Variants in KAZN observed in about 807,000 individuals in gnomAD.
The protein encoded by KAZN is kazrin, periplakin interacting protein.
A neutral mutation model predicts 87.4 loss-of-function variants in KAZN; 40 were observed. That is an observed-to-expected ratio of 0.46 (90% CI 0.36 to 0.60). The LOEUF (loss-of-function observed/expected upper bound fraction) is 0.60. Among genes scored for constraint, KAZN ranks in the 20% least tolerant of loss-of-function variants. The probability of loss-of-function intolerance (pLI) is 0.00; values close to 1 mark genes in which losing one functional copy is unlikely to be tolerated. For missense variants in KAZN, 898 were observed against 1,073.9 expected (o/e 0.84, Z 2.29); for synonymous variants, 466 against 458.3 (o/e 1.02, Z -0.22).
intron 1 of KAZN, among the ~76,000 whole-genome samples, chr1:14,918,709 T>A (rs1284282531): frequency 5.9e-3 from 21 of 3,530 alleles, no homozygotes; most frequent in East Asian, 0.043. Context: ...AAAAAAAAAA[T>A]ATATATATAT....
chr1:14,943,252 T>C (rs1661356611), intron 1 of KAZN, among the ~76,000 whole-genome samples: 1 of 151,948 alleles, frequency 6.6e-6, no homozygotes, highest in African/African-American at 2.4e-5. Flanking sequence ...AAGTTCCGTC[T>C]CTACCTTTTT....
chr1:14,373,681 CT>C (rs1483999920), intron 2 of KAZN, among the ~76,000 whole-genome samples: 1 of 152,170 alleles, frequency 6.6e-6, no homozygotes, highest in Non-Finnish European at 1.5e-5. Flanking sequence ...AGTTTGTCTT[CT>C]TTTTCTAGGG....
At chr1:14,207,940 AAGCTTTTGCAACAAGACGTTC>A (rs1364868113) in intron 2 of KAZN, among the ~76,000 whole-genome samples, 1 of 152,194 alleles carries the variant, frequency 6.6e-6, no homozygotes, top group East Asian at 1.9e-4. Context: ...ACTTGCTTTG[AAGCTTTTGCAACAAGACGTTC>A]TATTCTCCTG....
At chr1:14,230,517 GC>G (rs2100537855) in intron 2 of KAZN, among the ~76,000 whole-genome samples, 1 of 152,268 alleles carries the variant, frequency 6.6e-6, no homozygotes, top group East Asian at 1.9e-4. Context: ...GCAGAGGGAG[GC>G]TTTGAACTCG....
At chr1:14,011,867 G>A (rs72875204) in intron 1 of KAZN, among the ~76,000 whole-genome samples, 7,313 of 152,220 alleles carry the variant, frequency 0.048, 529 homozygotes, top group African/African-American at 0.16. Flanking sequence ...ATACAGGCTG[G>A]CAGATGTTCT....
intron 2 of KAZN, among the ~76,000 whole-genome samples, chr1:14,424,582 T>A (rs992282719): frequency 6.6e-6 from 1 of 152,134 alleles, no homozygotes; most frequent in African/African-American, 2.4e-5. Context: ...AATGGCACCC[T>A]CTAGAGTTGC....
chr1:14,493,816 T>C (rs577491524), intron 2 of KAZN, among the ~76,000 whole-genome samples: 2 of 152,350 alleles, frequency 1.3e-5, no homozygotes, highest in Non-Finnish European at 2.9e-5. Flanking sequence ...CAGTCATTAA[T>C]CTGCAATGAT....
chr1:14,406,211 C>G (rs1008162793), intron 2 of KAZN, among the ~76,000 whole-genome samples: 6 of 151,956 alleles, frequency 3.9e-5, no homozygotes, highest in African/African-American at 1.5e-4. Context: ...TCAGGTACCC[C>G]CTACATATAT....
intron 1 of KAZN, among the ~76,000 whole-genome samples, chr1:14,697,299 C>T (rs1641669698): frequency 6.6e-6 from 1 of 151,776 alleles, no homozygotes; most frequent in African/African-American, 2.4e-5. Context: ...CACTGCACTC[C>T]AGCCTGGGCA....
chr1:14,015,369 C>A (rs1640511788), intron 1 of KAZN, among the ~76,000 whole-genome samples: 1 of 151,514 alleles, frequency 6.6e-6, no homozygotes, highest in South Asian at 2.1e-4. Flanking sequence ...GACCCACATT[C>A]CCTCAGTGGA....
intron 2 of KAZN, among the ~76,000 whole-genome samples, chr1:14,998,643 T>C (rs1668145833): frequency 6.6e-6 from 1 of 152,124 alleles, no homozygotes; most frequent in South Asian, 2.1e-4. Flanking sequence ...CTGCCTCCCG[T>C]GTTCAAGCCA....
At chr1:14,307,939 T>C (rs966983847) in intron 2 of KAZN, among the ~76,000 whole-genome samples, 6 of 152,200 alleles carry the variant, frequency 3.9e-5, no homozygotes, top group Admixed American at 2.6e-4. Flanking sequence ...ACAGAACATC[T>C]CATGTCTCCT....
At chr1:14,607,305 A>G (rs1677448913) in intron 1 of KAZN, among the ~76,000 whole-genome samples, 2 of 152,194 alleles carry the variant, frequency 1.3e-5, no homozygotes, top group South Asian at 4.1e-4. Context: ...TTTACAGATG[A>G]GAAAGTTGAG....
chr1:14,019,185 T>C (rs1211266816), intron 1 of KAZN, among the ~76,000 whole-genome samples: 1 of 152,224 alleles, frequency 6.6e-6, no homozygotes, highest in Non-Finnish European at 1.5e-5. Flanking sequence ...TGATTTGAAA[T>C]CTATATCAGA....
At chr1:14,995,677 C>T (rs962069894) in intron 2 of KAZN, among the ~76,000 whole-genome samples, 2 of 151,998 alleles carry the variant, frequency 1.3e-5, no homozygotes, top group African/African-American at 4.8e-5. Context: ...CCAGCATCTG[C>T]AGGGGCTCAG....
chr1:14,623,516 G>A (rs1359912739), intron 1 of KAZN, among the ~76,000 whole-genome samples: 2 of 152,154 alleles, frequency 1.3e-5, no homozygotes, highest in Non-Finnish European at 2.9e-5. Context: ...TGATTATCGG[G>A]TATTGAACTT....
chr1:14,077,297 T>C (rs17351318), intron 1 of KAZN, among the ~76,000 whole-genome samples: 23,124 of 152,184 alleles, frequency 0.15, 2,387 homozygotes, highest in Middle Eastern at 0.29. Context: ...CTCCTAAAAA[T>C]GTCTTCTGCA....
intron 2 of KAZN, among the ~76,000 whole-genome samples, chr1:14,191,336 C>A (rs1646415890): frequency 1.3e-5 from 2 of 152,040 alleles, no homozygotes; most frequent in Admixed American, 1.3e-4. Context: ...TAGCAAGTAG[C>A]AATTTCATTA....
intron 4 of KAZN, among the ~76,000 whole-genome samples, chr1:15,048,704 TGGTCGTTGGTCCTG>T (rs1006236827): frequency 9.4e-6 from 1 of 105,986 alleles, no homozygotes; most frequent in Non-Finnish European, 1.9e-5. Context: ...CGTTGATCCT[TGGTCGTTGGTCCTG>T]GGTCGTTGGT....
Sources: gnomAD v4.1 joint callset for allele counts (sites outside exome capture counted in the v4.1 genomes callset) on GRCh38, gnomAD v4.1.1 for gene constraint, MANE v1.5 for transcripts, NCBI Gene and HGNC (gene_info 2026-07-23, HGNC 2026-07-21) for gene names.